Variants in CUX1 observed in about 807,000 individuals in gnomAD.
The protein encoded by CUX1 is cut like homeobox 1.
In CUX1, 31 loss-of-function variants were observed where a neutral mutation model predicts 158.8. The ratio of observed to expected loss-of-function variants is 0.20; its 90% CI spans 0.15 to 0.26. CUX1 has a LOEUF of 0.26. Among genes scored for constraint, CUX1 ranks in the 10% least tolerant of loss-of-function variants. The pLI, the probability that CUX1 is intolerant of heterozygous loss-of-function variation, is 1.00. For synonymous variants in CUX1, 879 were observed against 862.1 expected, an observed-to-expected ratio of 1.02 and a Z score of -0.34; for missense variants, 1,589 against 2,014.6, an observed-to-expected ratio of 0.79 and a Z score of 4.04.
chr7:102,058,681 T>C (rs1361672127), intron 3 of CUX1, among the ~76,000 whole-genome samples: 1 of 152,230 alleles, frequency 6.6e-6, no homozygotes, highest in Non-Finnish European at 1.5e-5. Flanking sequence ...GCTGAATGTG[T>C]ATGTTTTTAT....
At chr7:101,895,891 GTTTTTTTTTTGTTTTTGT>G (rs1466014413) in intron 1 of CUX1, among the ~76,000 whole-genome samples, 15 of 112,724 alleles carry the variant, frequency 1.3e-4, no homozygotes, top group African/African-American at 4.4e-4. Flanking sequence ...CACCTGTAAA[GTTTTTTTTTTGTTTTTGT>G]TTTTTTTTTT....
chr7:101,860,376 T>G (rs1562938331), intron 1 of CUX1, among the ~76,000 whole-genome samples: 1 of 152,220 alleles, frequency 6.6e-6, no homozygotes, highest in Non-Finnish European at 1.5e-5. Context: ...CATAAATATT[T>G]CAGTATGTAT....
Position 102,198,881 on chromosome 7 carries a change from A to T in CUX1, c.1960+14A>T, listed in dbSNP as rs1421588561. 6.2e-7 allele frequency: 1 copy of T among 1,613,448 alleles called. No individual in the cohort carries two copies. The highest frequency in any genetic ancestry group is 2.2e-5 in the East Asian group (1 of 44,892). On this transcript the variant is annotated intron_variant, in intron 16 of 23. Coordinates refer to ENST00000292535, the MANE Select transcript of CUX1 (RefSeq NM_181552.4). ...ATGGGTCTGAAGGTATGTTGCAGGCAGGCGTTTTCTTTGCAGTCAGTCACC... is the reference window on the plus strand; with the variant it reads ...ATGGGTCTGAAGGTATGTTGCAGGCTGGCGTTTTCTTTGCAGTCAGTCACC...
intron 4 of CUX1, among the ~76,000 whole-genome samples, chr7:102,078,570 TCAAATATAAAGG>T (rs1827029731): frequency 6.6e-6 from 1 of 152,164 alleles, no homozygotes; most frequent in Non-Finnish European, 1.5e-5. Flanking sequence ...CACAAACCCT[TCAAATATAAAGG>T]CAGTGCCTGG....
intron 9 of CUX1, among the ~76,000 whole-genome samples, chr7:102,166,740 T>C (rs963357178): frequency 2.0e-5 from 3 of 152,234 alleles, no homozygotes; most frequent in African/African-American, 4.8e-5. Flanking sequence ...TTCTCCTGTT[T>C]CGTGGATCTC....
chr7:102,058,023 A>T (rs562555558), intron 3 of CUX1, among the ~76,000 whole-genome samples: 86 of 152,256 alleles, frequency 5.6e-4, no homozygotes, highest in Middle Eastern at 6.8e-3. Context: ...CACAACCCTG[A>T]TCAGTCTAGC....
chr7:101,935,432 TGAAA>T (rs1806801576), intron 2 of CUX1, among the ~76,000 whole-genome samples: 1 of 151,882 alleles, frequency 6.6e-6, no homozygotes, highest in Non-Finnish European at 1.5e-5. Context: ...CGGACGTGAG[TGAAA>T]GAGACTGCCA....
At chr7:102,161,529 C>T (rs910625334) in intron 9 of CUX1, among the ~76,000 whole-genome samples, 10 of 152,152 alleles carry the variant, frequency 6.6e-5, no homozygotes, top group African/African-American at 2.2e-4. Flanking sequence ...AATAGAAATA[C>T]AGTTTCTAGA....
chr7:102,128,417 G>A lies in CUX1; in HGVS notation c.674+13144G>A, dbSNP rs1047300078. On this transcript the variant is annotated intron_variant, in intron 8 of 23. Coordinates refer to ENST00000292535, the MANE Select transcript of CUX1 (RefSeq NM_181552.4). ...GATTGGGCCGGGTGCCAGGCAGGAC[G>A]GAGGAGCTGGCCCTTTTGTCAGCCT... Among the ~76,000 whole-genome samples, 3 of 151,750 alleles carry A rather than the reference G, an allele frequency of 2.0e-5. No homozygotes were observed. In the East Asian group the frequency reaches 5.8e-4, roughly 29 times the overall value.
chr7:102,168,588 G>A (rs576838614), intron 9 of CUX1, among the ~76,000 whole-genome samples: 4 of 143,176 alleles, frequency 2.8e-5, no homozygotes, highest in African/African-American at 1.1e-4. Context: ...AGGCTGCAGT[G>A]AGCCAAGATC....
chr7:102,194,500 T>C (rs1456291635), intron 13 of CUX1, among the ~76,000 whole-genome samples: 2 of 151,700 alleles, frequency 1.3e-5, no homozygotes, highest in African/African-American at 4.8e-5. Context: ...CTTGGGAGGC[T>C]GAGGCAGGAA....
chr7:101,895,232 G>A (rs867312874), intron 1 of CUX1, among the ~76,000 whole-genome samples: 2 of 152,148 alleles, frequency 1.3e-5, no homozygotes, highest in Admixed American at 1.3e-4. Context: ...TTTTGGCCAG[G>A]CTGGTCTTGA....
At chr7:102,164,036 T>C (rs904160359) in intron 9 of CUX1, among the ~76,000 whole-genome samples, 9 of 152,192 alleles carry the variant, frequency 5.9e-5, no homozygotes, top group East Asian at 1.9e-4. Flanking sequence ...ACTGTCCCAA[T>C]TGGTGACAGT....
intron 2 of CUX1, among the ~76,000 whole-genome samples, chr7:101,945,310 C>T (rs1272037536): frequency 6.6e-6 from 1 of 152,158 alleles, no homozygotes; most frequent in East Asian, 1.9e-4. Context: ...ACACAAAGCA[C>T]ACCACCACCG....
intron 2 of CUX1, among the ~76,000 whole-genome samples, chr7:101,956,294 G>T (rs139648621): frequency 9.0e-4 from 137 of 152,310 alleles, no homozygotes; most frequent in African/African-American, 3.2e-3. Flanking sequence ...GGCCTCTCCG[G>T]ATGCCAAGCT....
chr7:101,844,006 AAGTTT>A (rs1025919546), intron 1 of CUX1, among the ~76,000 whole-genome samples: 1 of 152,092 alleles, frequency 6.6e-6, no homozygotes, highest in African/African-American at 2.4e-5. Flanking sequence ...CACCTTTCTT[AAGTTT>A]GGGACTTTCA....
rs1797933295 is a variant in CUX1 at position 102,222,772 on chromosome 7, T to TCCAC, written c.3131-4593_3131-4590dup. The stretch of plus-strand genomic sequence containing the variant: ...CAGGGGCTGTTTAGAATATGGCCCA[T>TCCAC]CCACCTAGCTCCTGGCTGTGTGTCT... On this transcript the variant is annotated intron_variant, in intron 20 of 23. Transcript: ENST00000292535. 2.8e-5 allele frequency among the ~76,000 whole-genome samples: 4 copies of TCCAC among 144,508 alleles called. No homozygotes were observed. The South Asian group carries it at 9.3e-4, about 34-fold the overall frequency. 94.8% of individuals were successfully genotyped at this position (144,508 alleles called of 152,430 possible).
chr7:102,180,312 G>A (rs1274188436), intron 11 of CUX1, among the ~76,000 whole-genome samples: 1 of 141,948 alleles, frequency 7.0e-6, no homozygotes, highest in East Asian at 2.0e-4. Context: ...GTGAGCCACT[G>A]CCTTTTTTTT....
At chr7:101,851,558 C>G (rs1796269512) in intron 1 of CUX1, among the ~76,000 whole-genome samples, 1 of 152,180 alleles carries the variant, frequency 6.6e-6, no homozygotes, top group Non-Finnish European at 1.5e-5. Flanking sequence ...TCCTCAAATC[C>G]CAGGTTGGAA....
Sources: gnomAD v4.1 joint callset for allele counts (sites outside exome capture counted in the v4.1 genomes callset) on GRCh38, gnomAD v4.1.1 for gene constraint, MANE v1.5 for transcripts, NCBI Gene and HGNC (gene_info 2026-07-23, HGNC 2026-07-21) for gene names.